Variants in TIAM2 observed in about 807,000 individuals in gnomAD.
TIAM2 encodes TIAM Rac1 associated GEF 2.
In TIAM2, 80 loss-of-function variants were observed where a neutral mutation model predicts 152.9. That is an observed-to-expected ratio of 0.52 (90% CI 0.44 to 0.63). The LOEUF (loss-of-function observed/expected upper bound fraction) is 0.63, where lower values mean the gene tolerates loss of function less well. TIAM2 is among the 30% of genes least tolerant of loss of function. The probability of loss-of-function intolerance (pLI) is 0.00; values close to 1 mark genes in which losing one functional copy is unlikely to be tolerated. For missense variants in TIAM2, 1,965 were observed against 2,120.1 expected (o/e 0.93, Z 1.44); for synonymous variants, 804 against 838.0 (o/e 0.96, Z 0.70).
chr6:155,183,127 A>T, intron 13 of TIAM2, 110 bp from the exon 14 acceptor site: 3 of 1,396,282 alleles, frequency 2.1e-6, no homozygotes, highest in Non-Finnish European at 2.9e-6. Flanking sequence ...AGCAACAAAC[A>T]AAACAGTCCC....
At chr6:155,017,752 C>T (rs1778620427) in intron 1 of TIAM2, among the ~76,000 whole-genome samples, 2 of 152,204 alleles carry the variant, frequency 1.3e-5, no homozygotes, top group South Asian at 4.2e-4. Context: ...ATCCACCTGC[C>T]TCGGCCTCCC....
chr6:155,187,724 A>G (rs1367263368), intron 14 of TIAM2, among the ~76,000 whole-genome samples: 1 of 151,662 alleles, frequency 6.6e-6, no homozygotes, highest in African/African-American at 2.4e-5. Context: ...GATTACAGGC[A>G]TGCACCACCA....
At chr6:155,191,946 A>G (rs149487465) in intron 14 of TIAM2, among the ~76,000 whole-genome samples, 1 of 152,348 alleles carries the variant, frequency 6.6e-6, no homozygotes, top group East Asian at 1.9e-4. Context: ...GAACCTGTGA[A>G]TATGGCAAAA....
intron 15 of TIAM2, among the ~76,000 whole-genome samples, chr6:155,222,292 G>A (rs1700783957): frequency 6.9e-6 from 1 of 145,020 alleles, no homozygotes; most frequent in African/African-American, 2.6e-5. Flanking sequence ...CCTCGACATG[G>A]GGTACACTCG....
intron 14 of TIAM2, among the ~76,000 whole-genome samples, chr6:155,202,607 A>G (rs1396603160): frequency 1.4e-5 from 2 of 144,938 alleles, no homozygotes; most frequent in African/African-American, 2.6e-5. Flanking sequence ...TTTTTTTTTA[A>G]TAGAGATGGA....
Position 155,129,929 on chromosome 6 carries a change from C to G in TIAM2, c.706C>G (p.Arg236Gly). 1 of 1,614,000 alleles carries G rather than the reference C, an allele frequency of 6.2e-7. No homozygotes were observed. The highest frequency in any genetic ancestry group is 8.5e-7 in the Non-Finnish European group (1 of 1,180,036). Residue 236 changes from arginine (R) to glycine (G), a missense_variant, in exon 4 of 27, where the codon CGG becomes GGG. By Grantham distance (125) the Arg-to-Gly change is moderately radical. This residue lies in a region of TIAM2 where 1,025 missense variants were observed against 1,119.4 expected (regional missense o/e 0.92). Transcript: ENST00000682666. This position sits in a 1 kb window ranked among gnomAD's most constrained non-coding sequence, Gnocchi z 4.8. ...CCCCTCTCCCACGGACTCTCGCCTG[C>G]GGTCCAGCAAAGGCAGCTCCCTGAG... ...HRPSPTDSRL[R>G]SSKGSSLSSE...
chr6:155,105,650 T>C lies in TIAM2; in HGVS notation c.-118+15271T>C, dbSNP rs1057386018. On this transcript the variant is annotated intron_variant, in intron 2 of 26. Coordinates refer to ENST00000682666, the MANE Select transcript of TIAM2 (RefSeq NM_012454.4). ...TTTAATTTTTTTCTGGTAGAGACAGTCTCCCTATGTTGCCCAGGCTGGTCT... is the reference window on the plus strand; with the variant it reads ...TTTAATTTTTTTCTGGTAGAGACAGCCTCCCTATGTTGCCCAGGCTGGTCT... 4.6e-5 allele frequency among the ~76,000 whole-genome samples: 7 copies of C among 151,928 alleles called. No individual in the cohort carries two copies. In the South Asian group the frequency reaches 1.3e-3, roughly 27 times the overall value.
In TIAM2 at chr6:155,098,278, T is replaced by C. The variant is rs535490584; in HGVS notation, c.-118+7899T>C. On this transcript the variant is annotated intron_variant, in intron 2 of 26. Transcript: ENST00000682666. ...AATTGCTTTGCGTAGTATTGCCATT[T>C]TAACAATATTAATTCTTCCAAGCCG... 8.5e-5 allele frequency among the ~76,000 whole-genome samples: 13 copies of C among 152,342 alleles called. 1 individual carries two copies. In the South Asian group the frequency reaches 2.7e-3, roughly 32 times the overall value.
In TIAM2 at chr6:155,216,935, T is replaced by C. The variant is rs942423183; in HGVS notation, c.3168+5628T>C. On this transcript the variant is annotated intron_variant, in intron 15 of 26. Coordinates refer to ENST00000682666, the MANE Select transcript of TIAM2 (RefSeq NM_012454.4). ...TGGCGCTAGGACGTCCTTGTGAATG[T>C]GACTTGGAAGAGCAGTTTGGGATTT... 3 of 1,202,820 alleles carry C rather than the reference T, an allele frequency of 2.5e-6. No homozygotes were observed. In the African/African-American group the frequency reaches 4.8e-5, roughly 19 times the overall value. The allele number at this position is 1,202,820 out of a possible 1,614,324, so 74.5% of individuals were successfully genotyped here. A position where few individuals can be genotyped will look rare whatever the true frequency, so the allele number is the denominator to read the frequency against.
At chr6:155,053,705 A>G (rs1777375303) in intron 1 of TIAM2, among the ~76,000 whole-genome samples, 1 of 152,066 alleles carries the variant, frequency 6.6e-6, no homozygotes, top group Admixed American at 6.6e-5. Context: ...TCCTGACCTC[A>G]AGTGATTCGC....
At chr6:155,187,150 T>G (rs984904701) in intron 14 of TIAM2, among the ~76,000 whole-genome samples, 9 of 152,140 alleles carry the variant, frequency 5.9e-5, no homozygotes, top group Non-Finnish European at 1.2e-4. Context: ...TTAAAATGTG[T>G]GGGGGACCCT....
chr6:155,208,406 C>T (rs1479932078), intron 14 of TIAM2, among the ~76,000 whole-genome samples: 1 of 152,128 alleles, frequency 6.6e-6, no homozygotes, highest in Admixed American at 6.5e-5. Context: ...GTTCTCTCCT[C>T]GGTCCTCTTG....
intron 14 of TIAM2, among the ~76,000 whole-genome samples, chr6:155,189,719 G>A (rs1781148072): frequency 6.6e-6 from 1 of 151,894 alleles, no homozygotes; most frequent in Non-Finnish European, 1.5e-5. Flanking sequence ...GTAAATCCTG[G>A]CTCCAAAGAA....
intron 2 of TIAM2, chr6:155,121,963 C>T (rs571114890): frequency 1.3e-5 from 2 of 152,628 alleles, no homozygotes; most frequent in African/African-American, 4.8e-5. Context: ...GGGCCTCAGT[C>T]CAGAGACAAA....
rs577756793 is a variant in TIAM2, at chr6:155,074,189, A to G, written c.-208-16100A>G. 3.9e-5 allele frequency among the ~76,000 whole-genome samples: 6 copies of G among 152,302 alleles called. No individual in the cohort carries two copies. The East Asian group carries it at 9.6e-4, about 24-fold the overall frequency. ...GCTACAAGGGATCTAATGAAAAGAA[A>G]ATTCCTAACGACAAACTTAATTTTG... is the stretch of plus-strand genomic sequence containing the variant. On this transcript the variant is annotated intron_variant, in intron 1 of 26. Transcript: ENST00000682666.
At chr6:155,119,887 C>T (rs1023163550) in intron 2 of TIAM2, among the ~76,000 whole-genome samples, 3 of 152,170 alleles carry the variant, frequency 2.0e-5, no homozygotes, top group Non-Finnish European at 4.4e-5. Flanking sequence ...GGGATTCACT[C>T]GTCTATTTTC....
At chr6:155,001,479 A>G (rs1337665048) in intron 1 of TIAM2, among the ~76,000 whole-genome samples, 1 of 151,664 alleles carries the variant, frequency 6.6e-6, no homozygotes, top group Admixed American at 6.6e-5. Flanking sequence ...AACATTAAGG[A>G]AAAAAAAATG....
At chr6:155,220,376 A>G (rs1177904504) in intron 15 of TIAM2, among the ~76,000 whole-genome samples, 1 of 152,214 alleles carries the variant, frequency 6.6e-6, no homozygotes, top group Non-Finnish European at 1.5e-5. Flanking sequence ...GGAGCAGAGT[A>G]TCATGCAAGG....
chr6:155,028,590 AAT>A (rs1180353462), intron 1 of TIAM2, among the ~76,000 whole-genome samples: 1 of 134,598 alleles, frequency 7.4e-6, no homozygotes, highest in Non-Finnish European at 1.5e-5. Context: ...TACTACATAT[AAT>A]ATATATACTG....
Sources: gnomAD v4.1 joint callset for allele counts (sites outside exome capture counted in the v4.1 genomes callset) on GRCh38, gnomAD v4.1.1 for gene constraint, gnomAD v4.1.1 regional missense constraint, Gnocchi (gnomAD v3.1) non-coding constraint, MANE v1.5 for transcripts, NCBI Gene and HGNC (gene_info 2026-07-23, HGNC 2026-07-21) for gene names.